Variants in FYB1 observed in about 807,000 individuals in gnomAD.
FYB1 encodes the protein FYN-binding protein 1.
FYB1 carries 41 observed loss-of-function variants against 94.1 expected under a neutral mutation model. The observed-to-expected ratio is 0.44, with a 90% CI of 0.34 to 0.57. The LOEUF is 0.57. FYB1 is among the 20% of genes least tolerant of loss of function. The probability of loss-of-function intolerance (pLI) is 0.02; values close to 1 mark genes in which losing one functional copy is unlikely to be tolerated. For synonymous variants in FYB1, 367 were observed against 353.2 expected (o/e 1.04, Z -0.44); for missense variants, 1,050 against 976.8 (o/e 1.07, Z -1.00).
chr5:39,129,262 A>G lies in FYB1; in HGVS notation c.1840+1328T>C, dbSNP rs142777055. 9.9e-3 allele frequency among the ~76,000 whole-genome samples: 1,505 copies of G among 152,172 alleles called. 8 individuals carry two copies. The highest frequency in any genetic ancestry group is 0.017 in the Non-Finnish European group (1,171 of 67,938). On this transcript the variant is annotated intron_variant, in intron 10 of 18. Coordinates refer to ENST00000512982, the MANE Select transcript of FYB1 (RefSeq NM_001465.6). Reference sequence around the variant, plus strand: ...GGGAAAACTGGATATCCATATGGAAAAAGAATAAAACTAGGCGCCATCTCT... The same window carrying G: ...GGGAAAACTGGATATCCATATGGAAGAAGAATAAAACTAGGCGCCATCTCT...
Position 39,208,024 on chromosome 5 carries a change from A to AT in FYB1, c.-27-5038dup, listed in dbSNP as rs987710417. Among the ~76,000 whole-genome samples, 90 of 151,782 alleles carry AT rather than the reference A, an allele frequency of 5.9e-4. 1 individual carries two copies. Among genetic ancestry groups the AT allele is most frequent in the South Asian group, 2.7e-3 (13 of 4,806 alleles). On this transcript the variant is annotated intron_variant, in intron 1 of 18. Transcript: ENST00000512982. ...TAACTTACCAGGAAGTCTGCTTTTA[A>AT]TTTTTTTTTACCATAGACTACACTC...
chr5:39,126,935 G>C (rs1326774184), intron 11 of FYB1, among the ~76,000 whole-genome samples: 1 of 151,172 alleles, frequency 6.6e-6, no homozygotes, highest in Non-Finnish European at 1.5e-5. Context: ...GCACATGCCT[G>C]TAATCCCAGC....
At chr5:39,148,807 T>G (rs911198319) in intron 3 of FYB1, among the ~76,000 whole-genome samples, 1 of 152,160 alleles carries the variant, frequency 6.6e-6, no homozygotes, top group Non-Finnish European at 1.5e-5. Flanking sequence ...TTTTCTAACC[T>G]TAGTCACTTC....
Position 39,229,266 on chromosome 5 carries a change from C to T in FYB1, c.-27-26279G>A, listed in dbSNP as rs1750617932. Among the ~76,000 whole-genome samples the T allele has an allele frequency of 2.0e-5, 3 of 152,136 alleles. No homozygotes were observed. The South Asian group carries it at 6.2e-4, about 31-fold the overall frequency. ...CTTGTTGGAATGGGATTGATGTCCA[C>T]CATTCCCCAGTAGAGAAGTGCAGAC... On this transcript the variant is annotated intron_variant, in intron 1 of 1. Coordinates refer to the FYB1 transcript ENST00000510188.
chr5:39,272,468 T>C (rs557787081), intron 1 of FYB1, among the ~76,000 whole-genome samples: 3 of 150,170 alleles, frequency 2.0e-5, no homozygotes, highest in East Asian at 3.9e-4. Context: ...ATCGAAACCA[T>C]CCTGGCTAAC....
chr5:39,177,920 A>T (rs1327952155), intron 2 of FYB1, among the ~76,000 whole-genome samples: 1 of 152,216 alleles, frequency 6.6e-6, no homozygotes, highest in African/African-American at 2.4e-5. Flanking sequence ...AAGCAAATTA[A>T]GATTTAGAAC....
intron 3 of FYB1, among the ~76,000 whole-genome samples, chr5:39,150,087 G>A (rs960107127): frequency 2.0e-5 from 3 of 151,974 alleles, no homozygotes; most frequent in Admixed American, 1.3e-4. Flanking sequence ...AAATCTAGGA[G>A]GCCATTTTTT....
intron 3 of FYB1, among the ~76,000 whole-genome samples, chr5:39,146,299 T>C (rs1742654457): frequency 1.3e-5 from 2 of 152,194 alleles, no homozygotes; most frequent in South Asian, 4.1e-4. Context: ...GCATTGCTTC[T>C]CTGCATCATC....
upstream of FYB1, among the ~76,000 whole-genome samples, chr5:39,220,912 T>A (rs1478828379): frequency 6.6e-6 from 1 of 152,196 alleles, no homozygotes; most frequent in Non-Finnish European, 1.5e-5. Context: ...AAGACAATGA[T>A]GGTAACAATG....
chr5:39,134,230 CA>C lies in FYB1; in HGVS notation c.1794del (p.Ala599GlnfsTer55), dbSNP rs1481972061. On this transcript the variant is annotated frameshift_variant, in exon 9 of 19. Transcript: ENST00000512982. LOFTEE classifies it high-confidence loss of function. ...TACCTGCTAATATCATCCTGCTCTG[CA>C]ACATCATCATATACTTCTTGGTCAT... ...IEDDQEVYDD[V>X]AEQDDISSHS... The C allele has an allele frequency of 6.2e-7, 1 of 1,611,590 alleles. No homozygotes were observed. Among genetic ancestry groups the C allele is most frequent in the Non-Finnish European group, 8.5e-7 (1 of 1,178,166 alleles).
At position 39,107,402 on chromosome 5, in the gene FYB1, T is replaced by C. The variant is rs778706798; in HGVS notation, c.*41A>G. 6.9e-7 allele frequency: 1 copy of C among 1,440,104 alleles called. No homozygotes were observed. Among genetic ancestry groups the C allele is most frequent in the East Asian group, 2.6e-5 (1 of 37,916 alleles). The allele number at this position is 1,440,104 out of a possible 1,614,324, so 89.2% of individuals were successfully genotyped here. On this transcript the variant is annotated 3_prime_UTR_variant, in exon 19 of 19. Transcript: ENST00000512982. Reference sequence around the variant, plus strand: ...TGCCAATTAAAATCCAGACTTCACATTGGCACCTAATGAACACAGCAGAAT... The same window carrying C: ...TGCCAATTAAAATCCAGACTTCACACTGGCACCTAATGAACACAGCAGAAT...
chr5:39,128,245 CAG>C (rs1740867389), intron 10 of FYB1, among the ~76,000 whole-genome samples: 1 of 152,030 alleles, frequency 6.6e-6, no homozygotes, highest in African/African-American at 2.4e-5. Flanking sequence ...GTAGTTGAAA[CAG>C]AAAGAAGTGA....
At chr5:39,166,763 G>A (rs549642759) in intron 2 of FYB1, among the ~76,000 whole-genome samples, 7 of 152,090 alleles carry the variant, frequency 4.6e-5, no homozygotes, top group Non-Finnish European at 7.4e-5. Flanking sequence ...ATATAGACGC[G>A]GACATAGAGT....
At chr5:39,206,343 T>A (rs73091054) in intron 1 of FYB1, among the ~76,000 whole-genome samples, 77 of 152,342 alleles carry the variant, frequency 5.1e-4, no homozygotes, top group African/African-American at 1.8e-3. Context: ...GTTTAGTAGA[T>A]AAAATGTTCA....
At chr5:39,197,159 C>T (rs1747905767) in intron 2 of FYB1, among the ~76,000 whole-genome samples, 1 of 152,194 alleles carries the variant, frequency 6.6e-6, no homozygotes, top group Admixed American at 6.5e-5. Flanking sequence ...AGTATAATTA[C>T]TTCTAACAAG....
intron 1 of FYB1, among the ~76,000 whole-genome samples, chr5:39,216,400 T>G (rs1749872960): frequency 6.6e-6 from 1 of 152,210 alleles, no homozygotes; most frequent in South Asian, 2.1e-4. Flanking sequence ...TGTTTATTTG[T>G]TTTTAAATTT....
At chr5:39,234,648 C>T (rs974449762) in intron 1 of FYB1, among the ~76,000 whole-genome samples, 3 of 152,030 alleles carry the variant, frequency 2.0e-5, no homozygotes, top group Non-Finnish European at 4.4e-5. Context: ...AACCTAAATG[C>T]CCATCAATGA....
At chr5:39,157,608 G>A (rs1185805961) in intron 2 of FYB1, among the ~76,000 whole-genome samples, 3 of 152,158 alleles carry the variant, frequency 2.0e-5, no homozygotes, top group Non-Finnish European at 4.4e-5. Flanking sequence ...AAAATAAGGG[G>A]AAAGAGCAAA....
At chr5:39,152,627 C>T (rs1743343087) in intron 3 of FYB1, among the ~76,000 whole-genome samples, 2 of 152,110 alleles carry the variant, frequency 1.3e-5, no homozygotes, top group African/African-American at 2.4e-5. Context: ...AATGACATTC[C>T]ATTTTATTCC....
Sources: allele counts gnomAD v4.1 joint callset (sites outside exome capture counted in the v4.1 genomes callset), GRCh38; gene constraint gnomAD v4.1.1; transcripts MANE v1.5; gene names NCBI Gene and HGNC (gene_info 2026-07-23, HGNC 2026-07-21).